The following ZFYVE28 variants were observed in gnomAD, a reference collection of about 807,000 sequenced individuals.
ZFYVE28 encodes the protein lateral signaling target protein 2 homolog.
A neutral mutation model predicts 82.1 loss-of-function variants in ZFYVE28; 40 were observed. The observed-to-expected ratio is 0.49, with a 90% CI of 0.38 to 0.63. ZFYVE28 has a LOEUF of 0.63. Ranked by LOEUF, ZFYVE28 falls within the 30% of genes least tolerant of loss-of-function variation. The pLI is 0.00. For synonymous variants in ZFYVE28, 612 were observed against 546.1 expected (o/e 1.12, Z -1.68); for missense variants, 1,321 against 1,242.1 (o/e 1.06, Z -0.96).
chr4:2,271,737 A>G lies in ZFYVE28; in HGVS notation c.2366T>C (p.Leu789Pro). The G allele has an allele frequency of 5.6e-6, 9 of 1,613,882 alleles. No homozygotes were observed. Among genetic ancestry groups the G allele is most frequent in the Non-Finnish European group, 7.6e-6 (9 of 1,179,984 alleles). The stretch of plus-strand genomic sequence containing the variant: ...AGAGGATGACAGGGTCTCCTGGCAC[A>G]GTGCACAGTCCTCCAAGGCCGCACT... ...LRSAALEDCA[L>P]CQETLSSSEL... is the part of the protein sequence containing the mutation. The change falls in exon 11 of 13, where the codon CTG (leucine) becomes CCG (proline). Residue 789 changes from leucine (L) to proline (P), a missense_variant. Physicochemically the swap from Leu to Pro is moderately conservative, Grantham distance 98. Coordinates refer to ENST00000290974, the MANE Select transcript of ZFYVE28 (RefSeq NM_020972.3).
chr4:2,315,262 G>C (rs892994891), intron 7 of ZFYVE28, among the ~76,000 whole-genome samples: 3 of 152,162 alleles, frequency 2.0e-5, no homozygotes, highest in Admixed American at 6.6e-5. Flanking sequence ...CTGGTTGTCA[G>C]CTATTTTCCT....
At chr4:2,384,400 T>C (rs887821153) in intron 1 of ZFYVE28, among the ~76,000 whole-genome samples, 33 of 152,344 alleles carry the variant, frequency 2.2e-4, no homozygotes, top group African/African-American at 7.9e-4. Context: ...TGCTCAGGGC[T>C]GCCCAGGGTC....
At chr4:2,330,653 G>A (rs1720534816) in intron 6 of ZFYVE28, 2 of 1,407,640 alleles carry the variant, frequency 1.4e-6, no homozygotes, top group East Asian at 5.4e-5. Context: ...TGTAGTGGAG[G>A]GGCCAGCACC....
rs775561858 is a variant in ZFYVE28 at position 2,305,085 on chromosome 4, G to C, written c.1255C>G (p.Pro419Ala). 3.1e-6 allele frequency: 5 copies of C among 1,607,808 alleles called. No homozygotes were observed. The highest frequency in any genetic ancestry group is 1.7e-6 in the Non-Finnish European group (2 of 1,176,858). The change falls in exon 8 of 13, where the codon CCA becomes GCA. Residue 419 changes from proline to alanine, a missense_variant. Transcript: ENST00000290974. ...TAEALARPES[P>A]AGPFGWAGST... The stretch of plus-strand genomic sequence containing the variant: ...CCTGCCCACCCAAATGGGCCAGCTG[G>C]GGACTCGGGCCTGGCCAGGGCTTCT...
intron 7 of ZFYVE28, among the ~76,000 whole-genome samples, chr4:2,317,718 C>T (rs765958748): frequency 1.3e-5 from 2 of 152,112 alleles, no homozygotes; most frequent in African/African-American, 4.8e-5. Context: ...CTGCAAATTC[C>T]GCCTCCCAGA....
intron 12 of ZFYVE28, 23 bp downstream of exon 12, chr4:2,271,288 T>C (rs774314494): frequency 1.2e-6 from 2 of 1,608,092 alleles, no homozygotes; most frequent in South Asian, 1.1e-5. Flanking sequence ...TGAGGGACCC[T>C]CCGTGCAAGG....
At chr4:2,274,742 A>G (rs1353058637) in intron 8 of ZFYVE28, among the ~76,000 whole-genome samples, 1 of 152,198 alleles carries the variant, frequency 6.6e-6, no homozygotes, top group Non-Finnish European at 1.5e-5. Flanking sequence ...CATAAGTCCA[A>G]AGACAAACGT....
Position 2,273,161 on chromosome 4 carries a change from G to A in ZFYVE28, c.2323+12C>T, listed in dbSNP as rs777895103. 14 of 1,607,884 alleles carry A rather than the reference G, an allele frequency of 8.7e-6. No homozygotes were observed. Among genetic ancestry groups the A allele is most frequent in the Non-Finnish European group, 1.2e-5 (14 of 1,175,526 alleles). On this transcript the variant is annotated intron_variant, in intron 10 of 12. Coordinates refer to ENST00000290974, the MANE Select transcript of ZFYVE28 (RefSeq NM_020972.3). ...GCGCAGGCCTCAGAGCCCGTCCTGA[G>A]TGGGCACTCACCCTTCCTTAACTTT...
intron 10 of ZFYVE28, 57 bp from the exon 11 acceptor site, chr4:2,271,836 G>GT: frequency 2.0e-6 from 3 of 1,522,194 alleles, no homozygotes; most frequent in Non-Finnish European, 2.7e-6. Flanking sequence ...ATTGATGCAG[G>GT]GTCACCTGCA....
intron 9 of ZFYVE28, 48 bp downstream of exon 9, chr4:2,274,014 C>T: frequency 1.2e-6 from 2 of 1,600,602 alleles, no homozygotes; most frequent in Admixed American, 1.7e-5. Context: ...TAAAGCGCAG[C>T]CCGTGTGTCC....
chr4:2,375,479 T>G (rs1417033469), intron 1 of ZFYVE28, among the ~76,000 whole-genome samples: 1 of 152,214 alleles, frequency 6.6e-6, no homozygotes, highest in African/African-American at 2.4e-5. Context: ...GTGACCAAAC[T>G]GAATGAATCC....
chr4:2,309,214 C>T (rs751773647), intron 7 of ZFYVE28, among the ~76,000 whole-genome samples: 1 of 152,198 alleles, frequency 6.6e-6, no homozygotes, highest in Non-Finnish European at 1.5e-5. Context: ...TGTTTGGCCT[C>T]TTTGCACACG....
At position 2,408,052 on chromosome 4, in the gene ZFYVE28, C is replaced by T. The variant is rs1335404184; in HGVS notation, c.39+10233G>A. Among the ~76,000 whole-genome samples, 3 of 152,306 alleles carry T rather than the reference C, an allele frequency of 2.0e-5. No homozygotes were observed. Among genetic ancestry groups the T allele is most frequent in the East Asian group, 3.9e-4 (2 of 5,168 alleles). On this transcript the variant is annotated intron_variant, in intron 1 of 12. Transcript: ENST00000290974. This position sits in a 1 kb window ranked among gnomAD's most constrained non-coding sequence, Gnocchi z 4.3. ...CCTCCAGAACACCATGTACCTCACT[C>T]GGCCAGGCTGCCCAGGTGACCCTGT...
At chr4:2,354,119 G>A (rs1034725630) in intron 1 of ZFYVE28, 46 bp from the exon 2 acceptor site, 1 of 1,440,678 alleles carries the variant, frequency 6.9e-7, no homozygotes, top group Admixed American at 2.5e-5. Context: ...GGGAACTGGA[G>A]GGGATGCCTC....
intron 12 of ZFYVE28, 45 bp from the exon 13 acceptor site, chr4:2,270,901 C>T (rs1365302613): frequency 1.9e-6 from 3 of 1,597,310 alleles, no homozygotes; most frequent in Admixed American, 3.4e-5. Flanking sequence ...AGACCAGCCC[C>T]ACCCACCCTG....
At chr4:2,283,617 A>G (rs542978441) in intron 8 of ZFYVE28, among the ~76,000 whole-genome samples, 1 of 148,058 alleles carries the variant, frequency 6.8e-6, no homozygotes, top group South Asian at 2.1e-4. Context: ...CACCTGCCCT[A>G]CAAACATGCA....
At chr4:2,356,862 T>C (rs1299374677) in intron 1 of ZFYVE28, among the ~76,000 whole-genome samples, 1 of 152,176 alleles carries the variant, frequency 6.6e-6, no homozygotes, top group African/African-American at 2.4e-5. Flanking sequence ...ACTGGGCCCT[T>C]GACCTTTGCT....
rs1422589460 is a variant in ZFYVE28 at position 2,335,905 on chromosome 4, G to T, written c.612-111C>A. 1 of 849,320 alleles carries T rather than the reference G, an allele frequency of 1.2e-6. No homozygotes were observed. The highest frequency in any genetic ancestry group is 1.9e-6 in the Non-Finnish European group (1 of 524,468). 52.6% of individuals were successfully genotyped at this position (849,320 alleles called of 1,614,324 possible). On this transcript the variant is annotated intron_variant, in intron 5 of 12. Coordinates refer to ENST00000290974, the MANE Select transcript of ZFYVE28 (RefSeq NM_020972.3). The surrounding 1 kb of genome is among the most constrained non-coding windows in gnomAD (Gnocchi z 5.8). Reference sequence around the variant, plus strand: ...TCAATCTGTACCTGCAGCCACGCGTGGTGGCCACGTCAAGAGGTGACACAT... The same window carrying T: ...TCAATCTGTACCTGCAGCCACGCGTTGTGGCCACGTCAAGAGGTGACACAT...
intron 6 of ZFYVE28, among the ~76,000 whole-genome samples, chr4:2,327,271 TA>T (rs1719997535): frequency 4.3e-5 from 1 of 23,500 alleles, no homozygotes; most frequent in Non-Finnish European, 8.9e-5. Context: ...TATATATATA[TA>T]TATATATATA....
Sources: allele counts gnomAD v4.1 joint callset (sites outside exome capture counted in the v4.1 genomes callset), GRCh38; gene constraint gnomAD v4.1.1; non-coding constraint Gnocchi (gnomAD v3.1); transcripts MANE v1.5; gene names NCBI Gene and HGNC (gene_info 2026-07-23, HGNC 2026-07-21).